The following RGS22 variants were observed in gnomAD, a reference collection of about 807,000 sequenced individuals.
RGS22 encodes the protein regulator of G protein signaling 22.
Under a neutral mutation model 172.9 loss-of-function variants are expected in RGS22, and 148 were observed. The observed-to-expected ratio is 0.86, with a 90% CI of 0.75 to 0.98. The LOEUF (loss-of-function observed/expected upper bound fraction) is 0.98. Ranked by LOEUF, RGS22 falls within the 50% of genes least tolerant of loss-of-function variation. The probability of loss-of-function intolerance (pLI) is 0.00; values close to 1 mark genes in which losing one functional copy is unlikely to be tolerated. For missense variants in RGS22, 1,347 were observed against 1,440.8 expected (o/e 0.93, Z 1.05); for synonymous variants, 458 against 480.2 (o/e 0.95, Z 0.60).
chr8:100,025,493 G>A (rs191095475), intron 14 of RGS22, among the ~76,000 whole-genome samples: 9 of 152,296 alleles, frequency 5.9e-5, no homozygotes, highest in Non-Finnish European at 2.9e-5. Flanking sequence ...AGAAAACAGA[G>A]CTTGATTCTT....
In RGS22 at chr8:100,062,655, GT is replaced by G; in HGVS notation, c.1449del (p.Gln484SerfsTer7). On this transcript the variant is annotated frameshift_variant, in exon 9 of 28. Coordinates refer to ENST00000360863, the MANE Select transcript of RGS22 (RefSeq NM_015668.5). LOFTEE classifies it high-confidence loss of function. ...ILSKFKLLDG[S>X]QWNEEHLRNI... is the part of the protein sequence containing the mutation. ...TTTCTTAAATGCTCTTCATTCCACT[GT>G]GATCCATCTAACAGTTTAAATTTTG... The G allele has an allele frequency of 6.2e-7, 1 of 1,605,746 alleles. No homozygotes were observed.
At chr8:100,032,537 A>G (rs1589020898) in intron 14 of RGS22, among the ~76,000 whole-genome samples, 1 of 152,116 alleles carries the variant, frequency 6.6e-6, no homozygotes, top group Admixed American at 6.6e-5. Context: ...GAGACCTACA[A>G]AGAGACTTAG....
chr8:100,051,334 G>T (rs1821254734), intron 10 of RGS22, among the ~76,000 whole-genome samples: 1 of 147,640 alleles, frequency 6.8e-6, no homozygotes, highest in African/African-American at 2.5e-5. Context: ...TTTATTCTGA[G>T]TGAAAAAGAA....
chr8:100,016,824 G>A (rs1219879576), intron 14 of RGS22, among the ~76,000 whole-genome samples: 1 of 151,596 alleles, frequency 6.6e-6, no homozygotes, highest in Non-Finnish European at 1.5e-5. Context: ...TAAATGACAA[G>A]TTACTGGGTT....
chr8:100,081,422 C>CT (rs999879903), intron 3 of RGS22, among the ~76,000 whole-genome samples: 1 of 149,764 alleles, frequency 6.7e-6, no homozygotes, highest in African/African-American at 2.4e-5. Context: ...TCTCTAAGGT[C>CT]TGACTGTCTC....
At chr8:100,019,971 G>A (rs10046693) in intron 14 of RGS22, among the ~76,000 whole-genome samples, 33,182 of 149,950 alleles carry the variant, frequency 0.22, 4,260 homozygotes, top group African/African-American at 0.36. Context: ...CGCAACCTCC[G>A]TCTCCCAGGT....
chr8:100,039,522 A>G (rs911117589), intron 13 of RGS22, among the ~76,000 whole-genome samples: 21 of 151,988 alleles, frequency 1.4e-4, no homozygotes, highest in Admixed American at 1.2e-3. Flanking sequence ...GATTACAGGC[A>G]TGCACCACCA....
intron 20 of RGS22, among the ~76,000 whole-genome samples, chr8:99,992,953 G>T (rs112979217): frequency 0.01 from 1,588 of 152,148 alleles, 20 homozygotes; most frequent in Middle Eastern, 0.034. Context: ...GAACTCAGGA[G>T]TAAGAAACTC....
rs770236774 is a variant in RGS22 at position 100,063,831 on chromosome 8, C to G, written c.937G>C (p.Glu313Gln). ...TATATATAGGAGCTTAAAAATTCTT[C>G]ACATGTTGAGAAATGCATTGTCAGG... ...ESLTMHFSTC[E>Q]EFLSSYIYFI... is the part of the protein sequence containing the mutation. Residue 313 changes from glutamate (E) to glutamine (Q), a missense_variant, in exon 8 of 28, where the codon GAA (glutamate) becomes CAA (glutamine). By Grantham distance (29) the Glu-to-Gln change is conservative (BLOSUM62 2). Transcript: ENST00000360863. 17 of 1,610,050 alleles carry G rather than the reference C, an allele frequency of 1.1e-5. No homozygotes were observed. In the Admixed American group the frequency reaches 2.9e-4, roughly 27 times the overall value.
In RGS22 at chr8:100,063,814, G is replaced by A. The variant is rs1231406501; in HGVS notation, c.954C>T (p.Ser318=). The A allele has an allele frequency of 4.3e-6, 7 of 1,610,094 alleles. No homozygotes were observed. The South Asian group carries it at 6.7e-5, about 15-fold the overall frequency. Residue 318 remains serine, a synonymous_variant, in exon 8 of 28, where the codon TCC becomes TCT. Transcript: ENST00000360863. ...HFSTCEEFLS[S]YIYFILRGAI... Reference sequence around the variant, plus strand: ...CTCCTCTCAAAATAAAGTATATATAGGAGCTTAAAAATTCTTCACATGTTG... The same window carrying A: ...CTCCTCTCAAAATAAAGTATATATAAGAGCTTAAAAATTCTTCACATGTTG...
rs551730898 is a variant in RGS22 at position 100,069,873 on chromosome 8, C to T, written c.594+1496G>A. Among the ~76,000 whole-genome samples, 22 of 151,944 alleles carry T rather than the reference C, an allele frequency of 1.4e-4. No individual in the cohort carries two copies. In the South Asian group the frequency reaches 3.1e-3, roughly 22 times the overall value. On this transcript the variant is annotated intron_variant, in intron 6 of 27. Coordinates refer to ENST00000360863, the MANE Select transcript of RGS22 (RefSeq NM_015668.5). ...TGAAACCCCATCTCTACTAAAAATA[C>T]AAGAATTAGCCAGGCGTGGTGGCAC...
chr8:100,060,969 C>T lies in RGS22; in HGVS notation c.1514+1622G>A, dbSNP rs149041830. On this transcript the variant is annotated intron_variant, in intron 9 of 27. Coordinates refer to ENST00000360863, the MANE Select transcript of RGS22 (RefSeq NM_015668.5). ...AGCATGGTACTGGTACAATAACAGA[C>T]ACACAGACCAATCAAACAATAGAGA... Among the ~76,000 whole-genome samples the T allele has an allele frequency of 3.5e-4, 53 of 152,190 alleles. 2 individuals are homozygous for T. The East Asian group carries it at 0.01, about 29-fold the overall frequency.
In RGS22 at chr8:100,066,208, G is replaced by T. The variant is rs1810522919; in HGVS notation, c.683C>A (p.Pro228His). 1.9e-6 allele frequency: 3 copies of T among 1,611,944 alleles called. No homozygotes were observed. In the South Asian group the frequency reaches 3.3e-5, roughly 18 times the overall value. The change falls in exon 7 of 28, where the codon CCC becomes CAC. Residue 228 changes from proline to histidine, a missense_variant. Transcript: ENST00000360863. ...VSTFSLPCCV[P>H]YNKLKSPAIS... The stretch of plus-strand genomic sequence containing the variant: ...AGCTGGTGATTTAAGTTTGTTGTAG[G>T]GTACACAACAGGGTAACGAAAAGGT...
At chr8:99,976,716 C>T (rs572935494) in intron 23 of RGS22, among the ~76,000 whole-genome samples, 1 of 152,014 alleles carries the variant, frequency 6.6e-6, no homozygotes, top group African/African-American at 2.4e-5. Context: ...AATGACTGCT[C>T]CTAGATATAG....
chr8:100,037,859 A>G (rs952400374), intron 14 of RGS22, among the ~76,000 whole-genome samples: 1 of 152,112 alleles, frequency 6.6e-6, no homozygotes, highest in African/African-American at 2.4e-5. Flanking sequence ...TTAGAGATAT[A>G]ATTTCATGAT....
At position 100,106,022 on chromosome 8, in the gene RGS22, C is replaced by T. The variant is rs993442692; in HGVS notation, c.-101G>A. On this transcript the variant is annotated 5_prime_UTR_variant, in exon 1 of 28. Coordinates refer to ENST00000360863, the MANE Select transcript of RGS22 (RefSeq NM_015668.5). ...GCCTGAGCGACGCGGCGACGGCGCG[C>T]GGGCTCCGGAGCTACGCTGGCTAGC... is the stretch of plus-strand genomic sequence containing the variant. 2 of 1,191,424 alleles carry T rather than the reference C, an allele frequency of 1.7e-6. No individual in the cohort carries two copies. The highest frequency in any genetic ancestry group is 1.6e-5 in the African/African-American group (1 of 62,522). 73.8% of individuals were successfully genotyped at this position (1,191,424 alleles called of 1,614,324 possible).
At chr8:100,001,220 A>ATATG (rs60886335) in intron 18 of RGS22, among the ~76,000 whole-genome samples, 1 of 128,970 alleles carries the variant, frequency 7.8e-6, no homozygotes, top group Non-Finnish European at 1.6e-5. Flanking sequence ...ATATATATAT[A>ATATG]CATATATATA....
At chr8:100,058,377 A>C (rs1240434938) in intron 9 of RGS22, among the ~76,000 whole-genome samples, 3 of 152,152 alleles carry the variant, frequency 2.0e-5, no homozygotes, top group Non-Finnish European at 4.4e-5. Context: ...AGCAGATTTA[A>C]CCCAAAGAAG....
At position 100,072,234 on chromosome 8, in the gene RGS22, T is replaced by A. The variant is rs369725911; in HGVS notation, c.340-4A>T. 5.8e-6 allele frequency: 9 copies of A among 1,554,902 alleles called. No homozygotes were observed. The highest frequency in any genetic ancestry group is 7.0e-6 in the Non-Finnish European group (8 of 1,147,924). The stretch of plus-strand genomic sequence containing the variant: ...TACCTTCTTCACGACTGAGACACTA[T>A]GAGAAGAAAGAGAAAAAGAAAAAGA... On this transcript the variant is annotated splice_polypyrimidine_tract_variant and splice_region_variant and intron_variant, in intron 4 of 27. Coordinates refer to ENST00000360863, the MANE Select transcript of RGS22 (RefSeq NM_015668.5).
Sources: gnomAD v4.1 joint callset for allele counts (sites outside exome capture counted in the v4.1 genomes callset) on GRCh38, gnomAD v4.1.1 for gene constraint, MANE v1.5 for transcripts, NCBI Gene and HGNC (gene_info 2026-07-23, HGNC 2026-07-21) for gene names.